Variants in CACNA1C observed in about 807,000 individuals in gnomAD.
CACNA1C encodes voltage-dependent L-type calcium channel subunit alpha-1C.
Under a neutral mutation model 229.0 loss-of-function variants are expected in CACNA1C, and 30 were observed. The ratio of observed to expected loss-of-function variants is 0.13; its 90% CI spans 0.10 to 0.18. CACNA1C has a LOEUF of 0.18. CACNA1C is among the 10% of genes least tolerant of loss of function. The pLI, the probability that CACNA1C is intolerant of heterozygous loss-of-function variation, is 1.00. For missense variants in CACNA1C, 1,658 were observed against 2,845.0 expected, an observed-to-expected ratio of 0.58 and a Z score of 9.49; for synonymous variants, 1,114 against 1,132.5, an observed-to-expected ratio of 0.98 and a Z score of 0.33.
At chr12:2,042,578 T>C (rs2470402) in intron 1 of CACNA1C, among the ~76,000 whole-genome samples, 61,270 of 151,936 alleles carry the variant, frequency 0.4, 13,952 homozygotes, top group East Asian at 0.67. Context: ...TTTCCTAGAT[T>C]TCCTTGTTTG....
intron 9 of CACNA1C, among the ~76,000 whole-genome samples, chr12:2,522,496 C>A (rs1434283010): frequency 2.0e-5 from 3 of 152,128 alleles, no homozygotes; most frequent in Admixed American, 1.3e-4. Flanking sequence ...ACAGAATGGG[C>A]AGAAATGATT....
At chr12:2,102,074 A>G (rs1248960950) in intron 1 of CACNA1C, among the ~76,000 whole-genome samples, 1 of 152,230 alleles carries the variant, frequency 6.6e-6, no homozygotes, top group African/African-American at 2.4e-5. Flanking sequence ...TGCAAAACAA[A>G]GGCTCATGCT....
At chr12:2,567,205 C>T (rs930494133) in intron 12 of CACNA1C, among the ~76,000 whole-genome samples, 13 of 152,156 alleles carry the variant, frequency 8.5e-5, no homozygotes, top group Non-Finnish European at 1.5e-4. Context: ...TCAGACAGTG[C>T]GGCTCCAACT....
At chr12:2,120,758 C>T (rs1596385685) in intron 3 of CACNA1C, among the ~76,000 whole-genome samples, 3 of 151,226 alleles carry the variant, frequency 2.0e-5, no homozygotes, top group East Asian at 3.9e-4. Flanking sequence ...TGCAGGTGTT[C>T]GCTGCAGCGA....
intron 30 of CACNA1C, chr12:2,641,507 C>A: frequency 6.9e-6 from 4 of 579,722 alleles, no homozygotes; most frequent in Non-Finnish European, 1.2e-5. Flanking sequence ...CATCTCCCTC[C>A]AGCCCCCCTT....
chr12:2,035,415 G>A (rs1256885234), intron 1 of CACNA1C, among the ~76,000 whole-genome samples: 1 of 152,264 alleles, frequency 6.6e-6, no homozygotes, highest in African/African-American at 2.4e-5. Context: ...TTGCAAGGCA[G>A]GGAGTGGGTA....
chr12:2,472,864 G>A (rs1447324674), intron 5 of CACNA1C, among the ~76,000 whole-genome samples: 1 of 152,312 alleles, frequency 6.6e-6, no homozygotes, highest in Middle Eastern at 3.4e-3. Context: ...CCATGAACGT[G>A]TGTAGGCTTG....
At chr12:2,196,804 A>G (rs558225717) in intron 3 of CACNA1C, among the ~76,000 whole-genome samples, 1 of 152,306 alleles carries the variant, frequency 6.6e-6, no homozygotes, top group Admixed American at 6.5e-5. Context: ...CAGCGACCAG[A>G]GCAGCAGGGT....
intron 1 of CACNA1C, chr12:2,004,815 T>G (rs2043076841): frequency 5.0e-6 from 1 of 200,648 alleles, no homozygotes; most frequent in African/African-American, 2.3e-5. Context: ...TCTATCACAA[T>G]AAATAAGCCT....
At chr12:2,019,917 A>G (rs977099257) in intron 1 of CACNA1C, 4 of 152,236 alleles carry the variant, frequency 2.6e-5, no homozygotes, top group African/African-American at 9.6e-5. Flanking sequence ...TATGTTTCTT[A>G]CTATGCAGCA....
chr12:2,679,862 G>C lies in CACNA1C; in HGVS notation c.5444+66G>C, dbSNP rs2097038364. ...CACGTGCTGCAACCCTCAGGAGACA[G>C]TGGAGGAGACGGAGGCCTCGGCCAG... On this transcript the variant is annotated intron_variant, in intron 42 of 46. Coordinates refer to ENST00000399655, the MANE Select transcript of CACNA1C (RefSeq NM_000719.7). The surrounding 1 kb of genome is among the most constrained non-coding windows in gnomAD (Gnocchi z 5.5). 1 of 1,209,238 alleles carries C rather than the reference G, an allele frequency of 8.3e-7. No individual in the cohort carries two copies. 74.9% of individuals were successfully genotyped at this position (1,209,238 alleles called of 1,614,324 possible). A position where few individuals can be genotyped will look rare whatever the true frequency, so the allele number is the denominator to read the frequency against.
rs529653259 is a variant in CACNA1C, at chr12:2,238,770, C to T, written c.477+118340C>T. Among the ~76,000 whole-genome samples the T allele has an allele frequency of 3.9e-5, 6 of 152,214 alleles. No individual in the cohort carries two copies. In the South Asian group the frequency reaches 1.2e-3, roughly 32 times the overall value. The stretch of plus-strand genomic sequence containing the variant: ...GGATGAGGGCTGAACTTGCAGGAAG[C>T]CGAGAGGAGGAAGTAAAGTCAGGAG... On this transcript the variant is annotated intron_variant, in intron 3 of 46. Transcript: ENST00000399655.
chr12:2,667,898 G>C (rs566926449), intron 37 of CACNA1C, among the ~76,000 whole-genome samples: 1 of 152,338 alleles, frequency 6.6e-6, no homozygotes, highest in East Asian at 1.9e-4. Context: ...GCTGTGGTGA[G>C]CTTCACACCG....
chr12:2,395,305 G>A (rs112081249), intron 3 of CACNA1C, among the ~76,000 whole-genome samples: 18 of 147,238 alleles, frequency 1.2e-4, no homozygotes, highest in African/African-American at 2.3e-4. Context: ...TGCAACCTCC[G>A]CCTTCTTGGT....
At chr12:1,993,529 C>A (rs1027208977) in intron 1 of CACNA1C, 2 of 992,140 alleles carry the variant, frequency 2.0e-6, no homozygotes. Flanking sequence ...TGTACACGTA[C>A]TTCTTCACCA....
At chr12:2,273,511 A>C (rs1377967093) in intron 3 of CACNA1C, among the ~76,000 whole-genome samples, 1 of 152,180 alleles carries the variant, frequency 6.6e-6, no homozygotes, top group Non-Finnish European at 1.5e-5. Context: ...GAGCTCCTCC[A>C]GGCTGCTGGG....
intron 3 of CACNA1C, among the ~76,000 whole-genome samples, chr12:2,271,956 C>T (rs1033655172): frequency 2.6e-5 from 4 of 152,176 alleles, no homozygotes; most frequent in African/African-American, 9.7e-5. Context: ...ATGTGCCATG[C>T]AAATGTTTGC....
At chr12:2,167,484 A>C (rs1346544156) in intron 3 of CACNA1C, among the ~76,000 whole-genome samples, 2 of 152,164 alleles carry the variant, frequency 1.3e-5, no homozygotes, top group Non-Finnish European at 1.5e-5. Flanking sequence ...GTTTCTCTGG[A>C]GAGTGTTGAC....
intron 1 of CACNA1C, among the ~76,000 whole-genome samples, chr12:2,075,690 G>C (rs959299557): frequency 1.3e-5 from 2 of 152,250 alleles, no homozygotes; most frequent in Non-Finnish European, 2.9e-5. Flanking sequence ...CCTCCGGTAG[G>C]AATGTTCACA....
Sources: allele counts gnomAD v4.1 joint callset (sites outside exome capture counted in the v4.1 genomes callset), GRCh38; gene constraint gnomAD v4.1.1; non-coding constraint Gnocchi (gnomAD v3.1); transcripts MANE v1.5; gene names NCBI Gene and HGNC (gene_info 2026-07-23, HGNC 2026-07-21).